Variants in TMEM163 observed in about 807,000 individuals in gnomAD.
The protein encoded by TMEM163 is transmembrane protein 163.
TMEM163 carries 17 observed loss-of-function variants against 29.3 expected under a neutral mutation model. That is an observed-to-expected ratio of 0.58 (90% CI 0.40 to 0.87). TMEM163 has a LOEUF of 0.87. TMEM163 is among the 40% of genes least tolerant of loss of function. The probability of loss-of-function intolerance (pLI) is 0.00; values close to 1 mark genes in which losing one functional copy is unlikely to be tolerated. For missense variants in TMEM163, 303 were observed against 381.5 expected, an observed-to-expected ratio of 0.79 and a Z score of 1.71; for synonymous variants, 157 against 160.6, an observed-to-expected ratio of 0.98 and a Z score of 0.17.
intron 2 of TMEM163, among the ~76,000 whole-genome samples, chr2:134,648,300 T>TTCTCCTCTCCTCTTC (rs1203199485): frequency 1.9e-5 from 1 of 51,320 alleles, no homozygotes; most frequent in African/African-American, 5.7e-5. Flanking sequence ...ATCTCACTGC[T>TTCTCCTCTCCTCTTC]TCTCCTCTTC....
intron 2 of TMEM163, among the ~76,000 whole-genome samples, chr2:134,707,747 G>A (rs1169388443): frequency 1.3e-5 from 2 of 152,068 alleles, no homozygotes; most frequent in African/African-American, 4.8e-5. Context: ...TGCAGTTGGT[G>A]AGGCCTCTTT....
intron 2 of TMEM163, among the ~76,000 whole-genome samples, chr2:134,670,284 A>C (rs755869025): frequency 6.6e-6 from 1 of 152,114 alleles, no homozygotes; most frequent in Non-Finnish European, 1.5e-5. Context: ...TTTTACTTCA[A>C]GCTCTTAAGA....
At chr2:134,597,858 G>T (rs951203521) in intron 2 of TMEM163, among the ~76,000 whole-genome samples, 1 of 152,088 alleles carries the variant, frequency 6.6e-6, no homozygotes, top group African/African-American at 2.4e-5. Flanking sequence ...TGTATGTGTC[G>T]AGGAGTTTAT....
intron 2 of TMEM163, among the ~76,000 whole-genome samples, chr2:134,692,017 C>T (rs1684479697): frequency 6.6e-6 from 1 of 152,012 alleles, no homozygotes; most frequent in South Asian, 2.1e-4. Flanking sequence ...TCCAGGTGGG[C>T]CTTAAATGCC....
intron 2 of TMEM163, among the ~76,000 whole-genome samples, chr2:134,637,628 C>CT (rs1488141800): frequency 6.6e-6 from 1 of 152,140 alleles, no homozygotes; most frequent in Non-Finnish European, 1.5e-5. Flanking sequence ...TTTTGAGCTG[C>CT]TTAGGGGTAG....
intron 4 of TMEM163, among the ~76,000 whole-genome samples, chr2:134,520,255 A>C (rs1268285741): frequency 1.3e-5 from 2 of 152,242 alleles, no homozygotes; most frequent in Non-Finnish European, 1.5e-5. Context: ...GACACCTCTA[A>C]TAAGGAATTC....
intron 2 of TMEM163, among the ~76,000 whole-genome samples, chr2:134,622,848 C>T (rs1216229993): frequency 6.6e-6 from 1 of 151,978 alleles, no homozygotes; most frequent in African/African-American, 2.4e-5. Context: ...CTGCAACCTC[C>T]GCCTACTGGG....
chr2:134,568,269 G>A (rs1194614543), intron 2 of TMEM163, among the ~76,000 whole-genome samples: 6 of 152,238 alleles, frequency 3.9e-5, no homozygotes, highest in African/African-American at 1.4e-4. Flanking sequence ...TCACACCTAT[G>A]ATCCCAGCAC....
rs1030166129 is a variant in TMEM163 at position 134,598,180 on chromosome 2, G to A, written c.323-46089C>T. ...TACTTATGTGCCAGAGTAGCTGACA[G>A]TCCATCCCCTGTGTAAAATGCCCTG... On this transcript the variant is annotated intron_variant, in intron 2 of 7. Transcript: ENST00000281924. 2.0e-5 allele frequency among the ~76,000 whole-genome samples: 3 copies of A among 152,266 alleles called. No individual in the cohort carries two copies. In the Middle Eastern group the frequency reaches 0.01, roughly 518 times the overall value.
intron 2 of TMEM163, among the ~76,000 whole-genome samples, chr2:134,620,388 C>G (rs1682703815): frequency 6.6e-6 from 1 of 152,120 alleles, no homozygotes; most frequent in Non-Finnish European, 1.5e-5. Context: ...TCCCAAGTAG[C>G]TGGGATTACA....
intron 5 of TMEM163, among the ~76,000 whole-genome samples, chr2:134,492,510 C>T (rs1679451904): frequency 6.6e-6 from 1 of 152,168 alleles, no homozygotes; most frequent in Admixed American, 6.5e-5. Context: ...ATAATTCCTC[C>T]CTCCCTCCAC....
intron 2 of TMEM163, among the ~76,000 whole-genome samples, chr2:134,615,492 T>C (rs1682590446): frequency 6.6e-6 from 1 of 152,158 alleles, no homozygotes; most frequent in Non-Finnish European, 1.5e-5. Flanking sequence ...TAATCTTGTT[T>C]GTGCCCTAAC....
rs1008908243 is a variant in TMEM163, at chr2:134,460,725, C to A, written c.668-2552G>T. ...ACAGCCACTAGATGTCTGCTCAGCT[C>A]CACCAAGTCACCCGCTCTGCCAGCC... On this transcript the variant is annotated intron_variant, in intron 6 of 7. Coordinates refer to ENST00000281924, the MANE Select transcript of TMEM163 (RefSeq NM_030923.5). This position sits in a 1 kb window ranked among gnomAD's most constrained non-coding sequence, Gnocchi z 4.3. 3.9e-5 allele frequency among the ~76,000 whole-genome samples: 6 copies of A among 152,282 alleles called. No individual in the cohort carries two copies. Among genetic ancestry groups the A allele is most frequent in the African/African-American group, 1.4e-4 (6 of 41,556 alleles).
intron 2 of TMEM163, among the ~76,000 whole-genome samples, chr2:134,661,199 G>A (rs908095986): frequency 6.6e-6 from 1 of 152,116 alleles, no homozygotes; most frequent in Non-Finnish European, 1.5e-5. Flanking sequence ...AGATGTGAAA[G>A]AGAAGGCATG....
chr2:134,678,861 T>C (rs974547501), intron 2 of TMEM163, among the ~76,000 whole-genome samples: 55 of 152,252 alleles, frequency 3.6e-4, no homozygotes, highest in African/African-American at 1.3e-3. Context: ...TTGTTCTAAC[T>C]TCAAGTGGAT....
intron 2 of TMEM163, among the ~76,000 whole-genome samples, chr2:134,595,638 C>T (rs1373186723): frequency 2.0e-5 from 3 of 152,120 alleles, no homozygotes; most frequent in Non-Finnish European, 2.9e-5. Context: ...CCCAGTAATT[C>T]GATGGCCGGG....
chr2:134,637,318 G>C (rs143801912), intron 2 of TMEM163, among the ~76,000 whole-genome samples: 67 of 152,288 alleles, frequency 4.4e-4, no homozygotes, highest in African/African-American at 1.5e-3. Context: ...AAGTCTACAT[G>C]GTCCCCACTC....
chr2:134,456,829 T>A, intron 7 of TMEM163, 53 bp from the exon 8 acceptor site: 10 of 1,576,280 alleles, frequency 6.3e-6, no homozygotes, highest in Non-Finnish European at 8.7e-6. Flanking sequence ...GCTGAAGAGC[T>A]TGGGGAAGCG....
In TMEM163 at chr2:134,718,963, G is replaced by A; in HGVS notation, c.-28C>T. On this transcript the variant is annotated 5_prime_UTR_variant, in exon 1 of 8. Coordinates refer to ENST00000281924, the MANE Select transcript of TMEM163 (RefSeq NM_030923.5). ...CGCGGGGCTGCGGATCCCGGCGGCG[G>A]CGACGACAAGCGCGGCGGGGACTCG... 3.9e-6 allele frequency: 4 copies of A among 1,025,964 alleles called. No homozygotes were observed. In the South Asian group the frequency reaches 1.3e-4, roughly 34 times the overall value. The allele number at this position is 1,025,964 out of a possible 1,614,324, so 63.6% of individuals were successfully genotyped here. A position where few individuals can be genotyped will look rare whatever the true frequency, so the allele number is the denominator to read the frequency against.
Sources: gnomAD v4.1 joint callset for allele counts (sites outside exome capture counted in the v4.1 genomes callset) on GRCh38, gnomAD v4.1.1 for gene constraint, Gnocchi (gnomAD v3.1) non-coding constraint, MANE v1.5 for transcripts, NCBI Gene and HGNC (gene_info 2026-07-23, HGNC 2026-07-21) for gene names.